The following ROBO2 variants were observed in gnomAD, a reference collection of about 807,000 sequenced individuals.
ROBO2 encodes the protein roundabout guidance receptor 2.
A neutral mutation model predicts 160.8 loss-of-function variants in ROBO2; 53 were observed. The observed-to-expected ratio is 0.33, with a 90% CI of 0.26 to 0.41. The LOEUF (loss-of-function observed/expected upper bound fraction) is 0.41. ROBO2 is among the 10% of genes least tolerant of loss of function. ROBO2 has a pLI of 1.00. For synonymous variants in ROBO2, 664 were observed against 611.7 expected (o/e 1.09, Z -1.26); for missense variants, 1,577 against 1,722.4 (o/e 0.92, Z 1.49).
At chr3:77,391,755 C>T (rs2074758528) in intron 2 of ROBO2, among the ~76,000 whole-genome samples, 1 of 152,070 alleles carries the variant, frequency 6.6e-6, no homozygotes. Context: ...GACGAGGCCT[C>T]ATTATGTTGC....
chr3:76,379,196 A>G (rs1423639157), intron 2 of ROBO2, among the ~76,000 whole-genome samples: 1 of 152,162 alleles, frequency 6.6e-6, no homozygotes, highest in African/African-American at 2.4e-5. Context: ...AAAAGAAAAG[A>G]AGTAATCGAT....
At chr3:77,543,587 C>T (rs1360148986) in intron 6 of ROBO2, among the ~76,000 whole-genome samples, 1 of 152,138 alleles carries the variant, frequency 6.6e-6, no homozygotes. Flanking sequence ...GAAGTCTGTA[C>T]TTCTAAAGTA....
chr3:77,341,101 C>G (rs972162932), intron 2 of ROBO2, among the ~76,000 whole-genome samples: 4 of 152,098 alleles, frequency 2.6e-5, no homozygotes, highest in South Asian at 2.1e-4. Context: ...CGTAGCCATG[C>G]TTATCACTTT....
At chr3:76,059,305 G>T (rs76031161) in intron 2 of ROBO2, among the ~76,000 whole-genome samples, 92,939 of 150,494 alleles carry the variant, frequency 0.62, 29,844 homozygotes, top group African/African-American at 0.81. Flanking sequence ...ATCCTCTCCA[G>T]CACCTGTTGT....
intron 2 of ROBO2, among the ~76,000 whole-genome samples, chr3:77,299,742 A>G (rs560497089): frequency 9.9e-5 from 15 of 152,266 alleles, no homozygotes; most frequent in South Asian, 6.2e-4. Flanking sequence ...TTATGATTGC[A>G]AAATCTCAGG....
intron 2 of ROBO2, among the ~76,000 whole-genome samples, chr3:76,940,282 G>T (rs560239574): frequency 1.6e-4 from 25 of 152,172 alleles, no homozygotes; most frequent in African/African-American, 5.5e-4. Context: ...GCGCCTCGCC[G>T]CAACAGGATA....
chr3:76,407,495 C>T (rs1295753361), intron 2 of ROBO2, among the ~76,000 whole-genome samples: 1 of 151,718 alleles, frequency 6.6e-6, no homozygotes, highest in Non-Finnish European at 1.5e-5. Flanking sequence ...AGAGTTAATA[C>T]TGGAAATGGC....
At chr3:77,268,022 ATTG>A (rs1389302775) in intron 2 of ROBO2, among the ~76,000 whole-genome samples, 1 of 152,150 alleles carries the variant, frequency 6.6e-6, no homozygotes, top group Non-Finnish European at 1.5e-5. Context: ...TAGAAAGCAA[ATTG>A]TTGTAAAATG....
chr3:77,615,788 A>G (rs2094760903), intron 21 of ROBO2, among the ~76,000 whole-genome samples: 1 of 152,206 alleles, frequency 6.6e-6, no homozygotes, highest in South Asian at 2.1e-4. Context: ...AATAACACCA[A>G]TAAAAATATA....
intron 2 of ROBO2, among the ~76,000 whole-genome samples, chr3:76,051,510 C>T (rs2067651952): frequency 6.6e-6 from 1 of 152,072 alleles, no homozygotes; most frequent in South Asian, 2.1e-4. Context: ...AAATAAGCTT[C>T]TTGTAATGGG....
intron 2 of ROBO2, among the ~76,000 whole-genome samples, chr3:77,123,785 C>CTAGA (rs1469808269): frequency 7.3e-6 from 1 of 136,682 alleles, no homozygotes; most frequent in African/African-American, 2.7e-5. Context: ...GCATATGTAT[C>CTAGA]TAGATAGATA....
chr3:77,146,123 C>A (rs1487676201), intron 2 of ROBO2, among the ~76,000 whole-genome samples: 1 of 152,190 alleles, frequency 6.6e-6, no homozygotes, highest in Non-Finnish European at 1.5e-5. Flanking sequence ...ACTGACCCTG[C>A]CTATTGTCTG....
At chr3:76,803,852 A>G (rs1229120174) in intron 2 of ROBO2, among the ~76,000 whole-genome samples, 1 of 152,202 alleles carries the variant, frequency 6.6e-6, no homozygotes, top group Non-Finnish European at 1.5e-5. Flanking sequence ...AATCACTTCT[A>G]GCTAAGTCAT....
At chr3:77,123,869 A>G (rs1232281666) in intron 2 of ROBO2, among the ~76,000 whole-genome samples, 1 of 148,642 alleles carries the variant, frequency 6.7e-6, no homozygotes, top group Non-Finnish European at 1.5e-5. Context: ...ACATAGATAC[A>G]TATATAGATA....
intron 2 of ROBO2, among the ~76,000 whole-genome samples, chr3:77,211,728 A>T (rs2151102104): frequency 6.6e-6 from 1 of 152,266 alleles, no homozygotes; most frequent in South Asian, 2.1e-4. Flanking sequence ...TAAGTCTTTA[A>T]TCCCTCTTGA....
intron 2 of ROBO2, among the ~76,000 whole-genome samples, chr3:76,523,573 A>G (rs1648280060): frequency 6.6e-6 from 1 of 152,124 alleles, no homozygotes; most frequent in Admixed American, 6.6e-5. Flanking sequence ...CCTCTTCTGT[A>G]TAGAGCTCAT....
In ROBO2 at chr3:76,488,520, G is replaced by A. The variant is rs180942400; in HGVS notation, c.109+550918G>A. ...ATATCAGCTGCTCCTTCAAAGCCAG[G>A]AGGGGTACATCGCTGCTACTTTGAA... On this transcript the variant is annotated intron_variant, in intron 2 of 26. Coordinates refer to the ROBO2 transcript ENST00000487694. Among the ~76,000 whole-genome samples the A allele has an allele frequency of 2.6e-5, 4 of 152,264 alleles. No individual in the cohort carries two copies. The East Asian group carries it at 7.7e-4, about 29-fold the overall frequency.
rs1360599017 is a variant in ROBO2 at position 76,449,095 on chromosome 3, A to G, written c.109+511493A>G. ...TAAAGAGGAATATCTTGACTTTTCC[A>G]TTCATGTAATGGAACAGGGTTCTCC... On this transcript the variant is annotated intron_variant, in intron 2 of 26. Coordinates refer to the ROBO2 transcript ENST00000487694. Among the ~76,000 whole-genome samples the G allele has an allele frequency of 2.6e-5, 4 of 152,322 alleles. No individual in the cohort carries two copies. In the East Asian group the frequency reaches 7.7e-4, roughly 29 times the overall value.
chr3:76,110,722 T>A (rs1347959799), intron 2 of ROBO2, among the ~76,000 whole-genome samples: 1 of 152,036 alleles, frequency 6.6e-6, no homozygotes, highest in African/African-American at 2.4e-5. Flanking sequence ...ATGGTACTAA[T>A]AAAATGTAAC....
Sources: gnomAD v4.1 joint callset for allele counts (sites outside exome capture counted in the v4.1 genomes callset) on GRCh38, gnomAD v4.1.1 for gene constraint, MANE v1.5 for transcripts, NCBI Gene and HGNC (gene_info 2026-07-23, HGNC 2026-07-21) for gene names.